EIF4E1B: variants seen among roughly 807,000 people sequenced by gnomAD.
The protein encoded by EIF4E1B is eukaryotic translation initiation factor 4E family member 1B, also known as eukaryotic translation initiation factor 4E type 1B.
Under a neutral mutation model 31.3 loss-of-function variants are expected in EIF4E1B, and 22 were observed. The observed-to-expected ratio is 0.70, with a 90% CI of 0.50 to 1.00. The LOEUF is 1.00. EIF4E1B is among the 50% of genes least tolerant of loss of function. EIF4E1B has a pLI of 0.00. For synonymous variants in EIF4E1B, 126 were observed against 120.2 expected (o/e 1.05, Z -0.31); for missense variants, 290 against 311.6 (o/e 0.93, Z 0.52).
chr5:176,631,756 T>A lies in EIF4E1B; in HGVS notation c.-202+692T>A, dbSNP rs1254579581. Among the ~76,000 whole-genome samples the A allele has an allele frequency of 2.0e-5, 3 of 151,902 alleles. No homozygotes were observed. In the East Asian group the frequency reaches 5.8e-4, roughly 29 times the overall value. On this transcript the variant is annotated intron_variant, in intron 1 of 8. Transcript: ENST00000318682. The stretch of plus-strand genomic sequence containing the variant: ...GACATTTTGGAAGGCAATCTGGCAA[T>A]GTTTACCAAGCATAAATGCATGCGC...
chr5:176,643,047 C>T (rs1188080222), intron 3 of EIF4E1B, 35 bp from the exon 4 acceptor site: 18 of 1,576,202 alleles, frequency 1.1e-5, no homozygotes, highest in Non-Finnish European at 1.5e-5. Context: ...AGGGCCAGAG[C>T]TCACAACCCA....
At chr5:176,643,367 T>C in intron 4 of EIF4E1B, 101 bp downstream of exon 4, 1 of 1,399,476 alleles carries the variant, frequency 7.1e-7, no homozygotes, top group Non-Finnish European at 9.7e-7. Flanking sequence ...TGGCCCTAGC[T>C]CTTCATCCGT....
chr5:176,641,499 G>A (rs1185131721), intron 1 of EIF4E1B, among the ~76,000 whole-genome samples: 3 of 152,176 alleles, frequency 2.0e-5, no homozygotes. Context: ...CTTGGATCGT[G>A]GACTTTTTAG....
chr5:176,641,571 T>C (rs1760579169), intron 1 of EIF4E1B: 1 of 152,194 alleles, frequency 6.6e-6, no homozygotes, highest in Non-Finnish European at 1.5e-5. Context: ...ACAGATTGTC[T>C]GAGGGATGCA....
chr5:176,646,216 G>GA lies in EIF4E1B; in HGVS notation c.*242dup, dbSNP rs1407947889. ...GGGGCCACAGGACAGCAGCAGGGTG[G>GA]AAAAAACTCCTGAGGGTGGGGTGAG... On this transcript the variant is annotated 3_prime_UTR_variant, in exon 9 of 9. Coordinates refer to ENST00000318682, the MANE Select transcript of EIF4E1B (RefSeq NM_001099408.2). The GA allele has an allele frequency of 1.1e-5, 5 of 462,050 alleles. No individual in the cohort carries two copies. The highest frequency in any genetic ancestry group is 2.0e-5 in the Non-Finnish European group (5 of 253,692). 28.6% of individuals were successfully genotyped at this position (462,050 alleles called of 1,614,324 possible).
At chr5:176,642,861 C>CAAT (rs1554151075) in intron 3 of EIF4E1B, 59 bp downstream of exon 3, 1 of 935,412 alleles carries the variant, frequency 1.1e-6, no homozygotes, top group African/African-American at 2.2e-5. Context: ...TCCCCCCCCC[C>CAAT]CCCCGCCCCA....
At chr5:176,635,333 A>G (rs1760475987) in intron 1 of EIF4E1B, among the ~76,000 whole-genome samples, 1 of 152,028 alleles carries the variant, frequency 6.6e-6, no homozygotes, top group South Asian at 2.1e-4. Context: ...CAAGTGGGTG[A>G]CTGGGGAGCT....
chr5:176,639,711 A>T (rs536723818), intron 1 of EIF4E1B, among the ~76,000 whole-genome samples: 115 of 152,178 alleles, frequency 7.6e-4, no homozygotes, highest in African/African-American at 2.5e-3. Flanking sequence ...GAACCCTCCC[A>T]GGCTGATTTG....
chr5:176,637,019 T>TA (rs1338938583), intron 1 of EIF4E1B, among the ~76,000 whole-genome samples: 3 of 152,252 alleles, frequency 2.0e-5, no homozygotes, highest in Non-Finnish European at 4.4e-5. Flanking sequence ...GCCGCTCTTG[T>TA]AAAAGTCGTC....
rs1760600152 is a variant in EIF4E1B, at chr5:176,642,736, G to T, written c.-52G>T. 2.1e-5 allele frequency: 32 copies of T among 1,554,070 alleles called. No homozygotes were observed. The highest frequency in any genetic ancestry group is 2.7e-5 in the Non-Finnish European group (31 of 1,148,756). Reference sequence around the variant, plus strand: ...TCTTGGCCCCCATGGTGTGGGGCTTGGTCACAGCTGCTTCCCCAGCCCCAG... The same window carrying T: ...TCTTGGCCCCCATGGTGTGGGGCTTTGTCACAGCTGCTTCCCCAGCCCCAG... On this transcript the variant is annotated 5_prime_UTR_variant, in exon 3 of 9. Coordinates refer to ENST00000318682, the MANE Select transcript of EIF4E1B (RefSeq NM_001099408.2).
Position 176,645,968 on chromosome 5 carries a change from G to C in EIF4E1B, c.717G>C (p.Lys239Asn). 6.2e-7 allele frequency: 1 copy of C among 1,605,592 alleles called. No individual in the cohort carries two copies. Among genetic ancestry groups the C allele is most frequent in the Non-Finnish European group, 8.5e-7 (1 of 1,176,010 alleles). Residue 239 changes from lysine to asparagine, a missense_variant, in exon 9 of 9, where the codon AAG (lysine) becomes AAC (asparagine). By Grantham distance (94) the Lys-to-Asn change is moderately conservative. Coordinates refer to ENST00000318682, the MANE Select transcript of EIF4E1B (RefSeq NM_001099408.2). The surrounding 1 kb of genome is among the most constrained non-coding windows in gnomAD (Gnocchi z 5.4). ...ATKSNSLAKN[K>N]FVV is the part of the protein sequence containing the mutation. The stretch of plus-strand genomic sequence containing the variant: ...AGAGCAACTCCCTAGCCAAGAACAA[G>C]TTTGTGGTGTGAGGGGGGCCTTGGC...
chr5:176,632,268 T>C (rs2113435027), intron 1 of EIF4E1B, among the ~76,000 whole-genome samples: 1 of 152,338 alleles, frequency 6.6e-6, no homozygotes, highest in South Asian at 2.1e-4. Context: ...TCTTTCTTGT[T>C]TTTTTGAGAT....
intron 1 of EIF4E1B, among the ~76,000 whole-genome samples, chr5:176,639,954 C>T (rs545313004): frequency 1.3e-5 from 2 of 152,286 alleles, no homozygotes; most frequent in Non-Finnish European, 2.9e-5. Flanking sequence ...GATTCGTGAG[C>T]TCTTCCCAGC....
At chr5:176,642,670 T>C in intron 2 of EIF4E1B, 40 bp from the exon 3 acceptor site, 1 of 1,485,168 alleles carries the variant, frequency 6.7e-7, no homozygotes, top group Non-Finnish European at 9.1e-7. Flanking sequence ...GACCTTGCTT[T>C]CCCTTCGAGC....
rs1283884115 is a variant in EIF4E1B, at chr5:176,646,025, G to A, written c.*45G>A. The A allele has an allele frequency of 4.0e-6, 6 of 1,512,486 alleles. No homozygotes were observed. The highest frequency in any genetic ancestry group is 1.4e-5 in the African/African-American group (1 of 71,884). 93.7% of individuals were successfully genotyped at this position (1,512,486 alleles called of 1,614,324 possible). A position where few individuals can be genotyped will look rare whatever the true frequency, so the allele number is the denominator to read the frequency against. On this transcript the variant is annotated 3_prime_UTR_variant, in exon 9 of 9. Coordinates refer to ENST00000318682, the MANE Select transcript of EIF4E1B (RefSeq NM_001099408.2). ...CCTATGTAATGGGACAGCCGCCACT[G>A]AGCCTCATTACTTTGGGGGATGGGG...
Position 176,642,859 on chromosome 5 carries a change from C to CG in EIF4E1B, c.15+57_15+58insG, listed in dbSNP as rs1561910376. On this transcript the variant is annotated intron_variant, in intron 3 of 8. Coordinates refer to ENST00000318682, the MANE Select transcript of EIF4E1B (RefSeq NM_001099408.2). ...ACCATGGCCCCGCCCTCTCCCCCCCCCCCCCCGCCCCAGGTGGGCGGGGCA... is the reference window on the plus strand; with the variant it reads ...ACCATGGCCCCGCCCTCTCCCCCCCCGCCCCCCGCCCCAGGTGGGCGGGGCA... 240 of 1,300,270 alleles carry CG rather than the reference C, an allele frequency of 1.8e-4. 25 individuals carry two copies. Among genetic ancestry groups the CG allele is most frequent in the Middle Eastern group, 8.2e-4 (3 of 3,638 alleles). 80.5% of individuals were successfully genotyped at this position (1,300,270 alleles called of 1,614,324 possible).
Position 176,644,491 on chromosome 5 carries a change from CT to C in EIF4E1B, c.360+53del, listed in dbSNP as rs1760656113. 62 of 1,538,758 alleles carry C rather than the reference CT, an allele frequency of 4.0e-5. 1 individual carries two copies. In the South Asian group the frequency reaches 7.2e-4, roughly 18 times the overall value. On this transcript the variant is annotated intron_variant, in intron 6 of 8. Coordinates refer to ENST00000318682, the MANE Select transcript of EIF4E1B (RefSeq NM_001099408.2). ...CCGCAAAGGGACAAGGGGTTGATCCCTCCCGGACTCCACTGCGTTAATCCCT... is the reference window on the plus strand; with the variant it reads ...CCGCAAAGGGACAAGGGGTTGATCCCCCCGGACTCCACTGCGTTAATCCCT...
Position 176,642,700 on chromosome 5 carries a change from T to C in EIF4E1B, c.-78-10T>C, listed in dbSNP as rs948137646. 3.9e-6 allele frequency: 6 copies of C among 1,537,966 alleles called. No individual in the cohort carries two copies. Among genetic ancestry groups the C allele is most frequent in the Admixed American group, 2.0e-5 (1 of 48,830 alleles). On this transcript the variant is annotated splice_polypyrimidine_tract_variant and intron_variant, in intron 2 of 8. Transcript: ENST00000318682. ...TCGAGCAGGCTCCAAATATTGACGC[T>C]TACCTTCAGGTCTTGGCCCCCATGG...
At position 176,645,169 on chromosome 5, in the gene EIF4E1B, C is replaced by G; in HGVS notation, c.400C>G (p.Arg134Gly). 1 of 1,576,506 alleles carries G rather than the reference C, an allele frequency of 6.3e-7. No individual in the cohort carries two copies. Among genetic ancestry groups the G allele is most frequent in the Non-Finnish European group, 8.6e-7 (1 of 1,161,210 alleles). The change falls in exon 7 of 9, where the codon CGG becomes GGG. Residue 134 changes from arginine (R) to glycine (G), a missense_variant. By Grantham distance (125) the Arg-to-Gly change is moderately radical. Coordinates refer to ENST00000318682, the MANE Select transcript of EIF4E1B (RefSeq NM_001099408.2). The surrounding 1 kb of genome is among the most constrained non-coding windows in gnomAD (Gnocchi z 5.4). ...CATGTGGGAGGACAGCAGGAATAAA[C>G]GGGGTGGCCGCTGGCTGGTCAGCCT... The part of the protein sequence containing the change: ...QPMWEDSRNK[R>G]GGRWLVSLAK...
Sources: allele counts gnomAD v4.1 joint callset (sites outside exome capture counted in the v4.1 genomes callset), GRCh38; gene constraint gnomAD v4.1.1; non-coding constraint Gnocchi (gnomAD v3.1); transcripts MANE v1.5; gene names NCBI Gene and HGNC (gene_info 2026-07-23, HGNC 2026-07-21).